The following NAALADL2 variants were observed in gnomAD, a reference collection of about 807,000 sequenced individuals.
NAALADL2 encodes the protein inactive N-acetylated-alpha-linked acidic dipeptidase-like protein 2.
NAALADL2 carries 76 observed loss-of-function variants against 87.2 expected under a neutral mutation model. The ratio of observed to expected loss-of-function variants is 0.87; its 90% CI spans 0.72 to 1.05. NAALADL2 has a LOEUF of 1.05. NAALADL2 is among the 50% of genes least tolerant of loss of function. The probability of loss-of-function intolerance (pLI) is 0.00; values close to 1 mark genes in which losing one functional copy is unlikely to be tolerated. For missense variants in NAALADL2, 1,089 were observed against 945.8 expected, an observed-to-expected ratio of 1.15 and a Z score of -1.99; for synonymous variants, 354 against 331.0, an observed-to-expected ratio of 1.07 and a Z score of -0.75.
chr3:174,606,980 C>T (rs1359719003), intron 2 of NAALADL2, among the ~76,000 whole-genome samples: 6 of 152,290 alleles, frequency 3.9e-5, no homozygotes, highest in African/African-American at 1.4e-4. Context: ...GGCAGAAACT[C>T]TACAAGCCAG....
intron 1 of NAALADL2, among the ~76,000 whole-genome samples, chr3:175,047,542 A>G (rs575869222): frequency 1.1e-4 from 17 of 152,308 alleles, no homozygotes; most frequent in Non-Finnish European, 2.2e-4. Flanking sequence ...AAAAGTTGTA[A>G]CATACATAGA....
chr3:174,446,988 CTT>C (rs1161823570), intron 1 of NAALADL2, among the ~76,000 whole-genome samples: 1 of 151,768 alleles, frequency 6.6e-6, no homozygotes, highest in Non-Finnish European at 1.5e-5. Context: ...TTTTGGAAAA[CTT>C]TAAAAATAAT....
intron 1 of NAALADL2, among the ~76,000 whole-genome samples, chr3:175,095,838 A>T (rs1243212062): frequency 1.3e-5 from 2 of 152,140 alleles, no homozygotes; most frequent in Non-Finnish European, 2.9e-5. Context: ...AATACACAGA[A>T]AATTTAAGTA....
chr3:175,013,197 C>T (rs1049940319), intron 1 of NAALADL2, among the ~76,000 whole-genome samples: 42 of 23,440 alleles, frequency 1.8e-3, no homozygotes, highest in Admixed American at 4.2e-3. Flanking sequence ...AATATATATA[C>T]ATAAATATAT....
intron 1 of NAALADL2, among the ~76,000 whole-genome samples, chr3:174,455,455 G>C (rs1011579856): frequency 2.0e-5 from 3 of 152,108 alleles, no homozygotes; most frequent in Admixed American, 2.0e-4. Context: ...CATCCTTGAT[G>C]CACATCAATG....
intron 10 of NAALADL2, among the ~76,000 whole-genome samples, chr3:175,618,582 C>T (rs1560859348): frequency 6.6e-6 from 1 of 152,118 alleles, no homozygotes; most frequent in Non-Finnish European, 1.5e-5. Context: ...GGAGTGCAGG[C>T]TGAAGAAGGT....
intron 2 of NAALADL2, among the ~76,000 whole-genome samples, chr3:174,576,870 G>T (rs1715586307): frequency 6.6e-6 from 1 of 152,226 alleles, no homozygotes. Context: ...TCTGCAATGT[G>T]ATAGAGTAAA....
chr3:175,310,228 G>A (rs1290092254), intron 4 of NAALADL2, among the ~76,000 whole-genome samples: 2 of 151,988 alleles, frequency 1.3e-5, no homozygotes, highest in South Asian at 2.1e-4. Context: ...AGCAAATAAT[G>A]CCAAAATAAA....
intron 2 of NAALADL2, among the ~76,000 whole-genome samples, chr3:174,707,907 A>G (rs1730252879): frequency 6.6e-6 from 1 of 152,214 alleles, no homozygotes; most frequent in Admixed American, 6.5e-5. Flanking sequence ...GGGAATATGA[A>G]AAAGTATGTA....
At position 174,824,877 on chromosome 3, in the gene NAALADL2, CTG is replaced by C. The variant is rs145709918; in HGVS notation, c.-9+87133_-9+87134del. Among the ~76,000 whole-genome samples, 424 of 152,210 alleles carry C rather than the reference CTG, an allele frequency of 2.8e-3. 3 individuals carry two copies. The highest frequency in any genetic ancestry group is 1.0e-2 in the African/African-American group (414 of 41,542). On this transcript the variant is annotated intron_variant, in intron 3 of 3. Transcript: ENST00000434257. The stretch of plus-strand genomic sequence containing the variant: ...TATGTAACTCATCAAAAAAATAAGA[CTG>C]TTAATTAATAAATTTTATACATTTT...
At chr3:175,258,834 A>C (rs929134463) in intron 4 of NAALADL2, among the ~76,000 whole-genome samples, 1 of 152,188 alleles carries the variant, frequency 6.6e-6, no homozygotes, top group Non-Finnish European at 1.5e-5. Context: ...TTAATAAATA[A>C]ATACAAAAAT....
intron 3 of NAALADL2, among the ~76,000 whole-genome samples, chr3:174,778,566 G>A (rs1715524246): frequency 6.6e-6 from 1 of 151,876 alleles, no homozygotes; most frequent in African/African-American, 2.4e-5. Flanking sequence ...ATGTGCCATG[G>A]TGGTTTGCTG....
chr3:175,438,571 G>GT (rs1034262303), intron 5 of NAALADL2, among the ~76,000 whole-genome samples: 6 of 152,036 alleles, frequency 3.9e-5, no homozygotes, highest in South Asian at 4.1e-4. Context: ...TAAAATCTCA[G>GT]TTTTTTTCAG....
At chr3:175,456,456 A>G (rs1438523492) in intron 6 of NAALADL2, among the ~76,000 whole-genome samples, 1 of 151,814 alleles carries the variant, frequency 6.6e-6, no homozygotes, top group Non-Finnish European at 1.5e-5. Context: ...GTAATTTTTA[A>G]CTACCAATAC....
intron 4 of NAALADL2, among the ~76,000 whole-genome samples, chr3:175,289,393 A>C (rs2110131657): frequency 6.6e-6 from 1 of 152,280 alleles, no homozygotes; most frequent in Non-Finnish European, 1.5e-5. Context: ...GAGTCCAGAA[A>C]CTGGTATGCA....
At chr3:174,505,678 C>G (rs1197669329) in intron 1 of NAALADL2, among the ~76,000 whole-genome samples, 1 of 152,100 alleles carries the variant, frequency 6.6e-6, no homozygotes, top group Non-Finnish European at 1.5e-5. Context: ...GGAAAGAACT[C>G]AAGGCATTTT....
chr3:174,857,544 T>G (rs760197870), upstream of NAALADL2, among the ~76,000 whole-genome samples: 19 of 152,156 alleles, frequency 1.2e-4, no homozygotes, highest in Admixed American at 4.6e-4. Context: ...TTTCCAAGTT[T>G]GTCATAATGA....
At chr3:174,646,251 C>A (rs1723771558) in intron 2 of NAALADL2, among the ~76,000 whole-genome samples, 1 of 151,980 alleles carries the variant, frequency 6.6e-6, no homozygotes, top group Non-Finnish European at 1.5e-5. Flanking sequence ...TTCTGTAGTT[C>A]TGGTATGGCT....
At chr3:175,202,324 T>C (rs940633438) in intron 2 of NAALADL2, among the ~76,000 whole-genome samples, 1 of 152,142 alleles carries the variant, frequency 6.6e-6, no homozygotes, top group African/African-American at 2.4e-5. Flanking sequence ...GCAGCCTCCC[T>C]CTTCCATTTC....
Sources: gnomAD v4.1 joint callset for allele counts (sites outside exome capture counted in the v4.1 genomes callset) on GRCh38, gnomAD v4.1.1 for gene constraint, MANE v1.5 for transcripts, NCBI Gene and HGNC (gene_info 2026-07-23, HGNC 2026-07-21) for gene names.